The following PRKAR1A variants were observed in gnomAD, a reference collection of about 807,000 sequenced individuals.
PRKAR1A encodes the protein cAMP-dependent protein kinase type I-alpha regulatory subunit.
A neutral mutation model predicts 52.0 loss-of-function variants in PRKAR1A; 3 were observed. That is an observed-to-expected ratio of 0.06 (90% CI 0.03 to 0.15). The LOEUF (loss-of-function observed/expected upper bound fraction) is 0.15. Ranked by LOEUF, PRKAR1A falls within the 10% of genes least tolerant of loss-of-function variation. PRKAR1A has a pLI of 1.00. For synonymous variants in PRKAR1A, 188 were observed against 168.4 expected (o/e 1.12, Z -0.90); for missense variants, 240 against 477.4 (o/e 0.50, Z 4.63).
chr17:68,507,589 G>T (rs747982448), upstream of PRKAR1A, among the ~76,000 whole-genome samples: 9 of 152,070 alleles, frequency 5.9e-5, no homozygotes, highest in Non-Finnish European at 1.2e-4. Context: ...CATGGCACAC[G>T]TTTATCTATG....
At chr17:68,477,482 C>G in the PRKAR1A span, among the ~76,000 whole-genome samples, 1 of 152,182 alleles carries the variant, frequency 6.6e-6, no homozygotes, top group Non-Finnish European at 1.5e-5. Context: ...TTTAATGCTA[C>G]TCCAGATCTT....
At chr17:68,514,772 T>C (rs1006243396) in intron 1 of PRKAR1A, 2 of 152,550 alleles carry the variant, frequency 1.3e-5, no homozygotes, top group African/African-American at 4.8e-5. Context: ...CATTTAGGGG[T>C]GGAATCTGGC....
the PRKAR1A span, among the ~76,000 whole-genome samples, chr17:68,492,811 TC>T: frequency 1.3e-5 from 2 of 152,168 alleles, no homozygotes; most frequent in Non-Finnish European, 2.9e-5. Context: ...AACTTTAGAC[TC>T]CATCCAGGTC....
In PRKAR1A at chr17:68,527,909, T is replaced by G; in HGVS notation, c.769+9T>G. 1 of 1,601,566 alleles carries G rather than the reference T, an allele frequency of 6.2e-7. No individual in the cohort carries two copies. The highest frequency in any genetic ancestry group is 1.1e-5 in the South Asian group (1 of 90,802). On this transcript the variant is annotated intron_variant, in intron 8 of 10. Transcript: ENST00000589228. ...TAAAGTCTCTATTTTAGGTGAGTTGTAAAGTGTGTTAACTTTGCTAGTATG... is the reference window on the plus strand; with the variant it reads ...TAAAGTCTCTATTTTAGGTGAGTTGGAAAGTGTGTTAACTTTGCTAGTATG...
chr17:68,421,658 G>A, the PRKAR1A span: 5 of 1,465,124 alleles, frequency 3.4e-6, no homozygotes, highest in African/African-American at 2.8e-5. Context: ...TGGAGCACCC[G>A]GGATTCCTGC....
the PRKAR1A span, chr17:68,493,596 A>ATT: frequency 0.027 from 3,923 of 143,678 alleles, 145 homozygotes; most frequent in African/African-American, 0.088. Flanking sequence ...TCAACTTGCA[A>ATT]TTTTTTTTTT....
At chr17:68,502,549 A>C in the PRKAR1A span, among the ~76,000 whole-genome samples, 1 of 152,118 alleles carries the variant, frequency 6.6e-6, no homozygotes. Context: ...TCAGGAGTTC[A>C]AGACCAGACT....
chr17:68,451,022 G>A, the PRKAR1A span: 25 of 1,327,022 alleles, frequency 1.9e-5, no homozygotes, highest in African/African-American at 4.5e-5. Flanking sequence ...CCGGCCAGGC[G>A]CCCTCTCTGA....
At position 68,523,825 on chromosome 17, in the gene PRKAR1A, A is replaced by G; in HGVS notation, c.440+9A>G. Reference sequence around the variant, plus strand: ...GATGATAATGAGAGAAGGTAGGAACAGGCTCTTTCTTAACACTATTTTTCA... The same window carrying G: ...GATGATAATGAGAGAAGGTAGGAACGGGCTCTTTCTTAACACTATTTTTCA... On this transcript the variant is annotated intron_variant, in intron 4 of 10. Coordinates refer to ENST00000589228, the MANE Select transcript of PRKAR1A (RefSeq NM_002734.5). 6.2e-7 allele frequency: 1 copy of G among 1,612,278 alleles called. No homozygotes were observed. The highest frequency in any genetic ancestry group is 1.3e-5 in the African/African-American group (1 of 75,008).
At chr17:68,541,922 C>A in intron 11 of PRKAR1A, 2 of 1,544,912 alleles carry the variant, frequency 1.3e-6, no homozygotes, top group Non-Finnish European at 1.8e-6. Context: ...AGCAACAAGT[C>A]CCTGGTACAG....
rs2085287926 is a variant in PRKAR1A, at chr17:68,512,463, G to A, written c.-92G>A. ...CGCCTAGCCGCTATCGCAGAGTGGA[G>A]CGGGGCTGGGAGCAAAGCGCTGAGG... On this transcript the variant is annotated 5_prime_UTR_variant, in exon 1 of 11. Transcript: ENST00000589228. 6.5e-6 allele frequency: 1 copy of A among 153,484 alleles called. No individual in the cohort carries two copies. The allele number at this position is 153,484 out of a possible 1,614,324, so 9.5% of individuals were successfully genotyped here.
chr17:68,482,834 A>G, the PRKAR1A span, among the ~76,000 whole-genome samples: 1 of 152,214 alleles, frequency 6.6e-6, no homozygotes, highest in Non-Finnish European at 1.5e-5. Context: ...AAATATATCA[A>G]CCATTCCCAC....
chr17:68,429,535 A>C, the PRKAR1A span, among the ~76,000 whole-genome samples: 1 of 152,098 alleles, frequency 6.6e-6, no homozygotes, highest in African/African-American at 2.4e-5. Context: ...ATCCGTATTG[A>C]AGTCAGATAG....
At chr17:68,418,089 C>T in the PRKAR1A span, among the ~76,000 whole-genome samples, 693 of 152,140 alleles carry the variant, frequency 4.6e-3, 4 homozygotes, top group African/African-American at 0.016. Context: ...TGATGACTGC[C>T]GACCTCCTTA....
chr17:68,528,569 G>A lies in PRKAR1A; in HGVS notation c.770-301G>A, dbSNP rs1350072661. The A allele has an allele frequency of 1.4e-5, 5 of 359,574 alleles. No homozygotes were observed. In the East Asian group the frequency reaches 2.0e-4, roughly 15 times the overall value. 22.3% of individuals were successfully genotyped at this position (359,574 alleles called of 1,614,324 possible). A position where few individuals can be genotyped will look rare whatever the true frequency, so the allele number is the denominator to read the frequency against. ...TGTAGTTGTAGGTTTGATTTGCATT[G>A]ATGGCAATCTTCAGGAATACTTAAG... On this transcript the variant is annotated intron_variant, in intron 8 of 10. Transcript: ENST00000589228.
the PRKAR1A span, among the ~76,000 whole-genome samples, chr17:68,476,614 C>T: frequency 6.6e-6 from 1 of 151,890 alleles, no homozygotes; most frequent in Admixed American, 6.6e-5. Context: ...TCTTCTCCTT[C>T]CTTCCCTCCA....
At chr17:68,449,017 T>C in the PRKAR1A span, among the ~76,000 whole-genome samples, 3,748 of 152,258 alleles carry the variant, frequency 0.025, 58 homozygotes, top group Middle Eastern at 0.034. Flanking sequence ...TTTGAAAGAG[T>C]TGATCAATTC....
At chr17:68,545,210 T>TA (rs1384416695) in intron 11 of PRKAR1A, among the ~76,000 whole-genome samples, 2 of 152,244 alleles carry the variant, frequency 1.3e-5, no homozygotes, top group Non-Finnish European at 2.9e-5. Context: ...CACTGTGTTA[T>TA]GGTATGAAAA....
chr17:68,459,974 C>T, the PRKAR1A span, among the ~76,000 whole-genome samples: 2 of 152,026 alleles, frequency 1.3e-5, no homozygotes, highest in African/African-American at 4.8e-5. Context: ...GCCCCCGCCA[C>T]CATGCCCAGC....
Sources: gnomAD v4.1 joint callset for allele counts (sites outside exome capture counted in the v4.1 genomes callset) on GRCh38, gnomAD v4.1.1 for gene constraint, MANE v1.5 for transcripts, NCBI Gene and HGNC (gene_info 2026-07-23, HGNC 2026-07-21) for gene names.